SRGAP3: variants seen among roughly 807,000 people sequenced by gnomAD.
The protein encoded by SRGAP3 is SLIT-ROBO Rho GTPase-activating protein 3.
In SRGAP3, 39 loss-of-function variants were observed where a neutral mutation model predicts 121.1. The observed-to-expected ratio is 0.32, with a 90% CI of 0.25 to 0.42. The LOEUF (loss-of-function observed/expected upper bound fraction) is 0.42, where lower values mean the gene tolerates loss of function less well. Ranked by LOEUF, SRGAP3 falls within the 10% of genes least tolerant of loss-of-function variation. SRGAP3 has a pLI of 1.00. For missense variants in SRGAP3, 1,213 were observed against 1,470.6 expected (o/e 0.82, Z 2.86); for synonymous variants, 601 against 570.0 (o/e 1.05, Z -0.77).
intron 20 of SRGAP3, among the ~76,000 whole-genome samples, 170 bp from the exon 21 acceptor site, chr3:8,991,009 C>T (rs1210174461): frequency 6.6e-6 from 1 of 152,194 alleles, no homozygotes; most frequent in Non-Finnish European, 1.5e-5. Context: ...GCTGGCTCAG[C>T]ACACAGCTCA....
intron 1 of SRGAP3, among the ~76,000 whole-genome samples, chr3:9,190,697 T>C (rs1951727845): frequency 6.6e-6 from 1 of 152,162 alleles, no homozygotes; most frequent in Non-Finnish European, 1.5e-5. Flanking sequence ...GAATTAGGAT[T>C]TCACACACAT....
In SRGAP3 at chr3:8,984,396, T is replaced by C. The variant is rs1559831674; in HGVS notation, c.*1123A>G. 4.3e-6 allele frequency: 1 copy of C among 231,070 alleles called. No individual in the cohort carries two copies. 14.3% of individuals were successfully genotyped at this position (231,070 alleles called of 1,614,324 possible). On this transcript the variant is annotated 3_prime_UTR_variant, in exon 22 of 22. Transcript: ENST00000383836. ...TGTGACTCAAAGCCTCCTTGCCTGT[T>C]TAGTTCCAAATCTGACACAGTATAA...
intron 4 of SRGAP3, among the ~76,000 whole-genome samples, chr3:9,073,034 C>T (rs2125240894): frequency 6.6e-6 from 1 of 152,376 alleles, no homozygotes; most frequent in East Asian, 1.9e-4. Context: ...GCTTGATTTT[C>T]ACTTAACTAA....
chr3:9,282,236 T>C (rs893123847), intron 3 of SRGAP3, among the ~76,000 whole-genome samples: 1 of 152,206 alleles, frequency 6.6e-6, no homozygotes, highest in African/African-American at 2.4e-5. Context: ...GTTACCAAAT[T>C]AAAAATTAAA....
intron 3 of SRGAP3, among the ~76,000 whole-genome samples, chr3:9,270,834 T>C (rs1412557845): frequency 6.6e-6 from 1 of 152,164 alleles, no homozygotes; most frequent in Admixed American, 6.5e-5. Context: ...AATTCCTGTT[T>C]ATGCTTCTGG....
At chr3:9,309,527 G>A (rs927169458) in intron 3 of SRGAP3, among the ~76,000 whole-genome samples, 6 of 152,124 alleles carry the variant, frequency 3.9e-5, no homozygotes, top group Admixed American at 6.5e-5. Context: ...AGGAAATTAG[G>A]ATCAATGTCA....
chr3:9,338,706 GC>G (rs1340743061), intron 1 of SRGAP3, among the ~76,000 whole-genome samples: 1 of 152,170 alleles, frequency 6.6e-6, no homozygotes, highest in African/African-American at 2.4e-5. Flanking sequence ...TGTTAACCAT[GC>G]ACCATCAGCA....
chr3:9,295,984 A>G lies in SRGAP3; in HGVS notation n.442+30026T>C, dbSNP rs538579245. Among the ~76,000 whole-genome samples, 3 of 152,298 alleles carry G rather than the reference A, an allele frequency of 2.0e-5. No individual in the cohort carries two copies. In the South Asian group the frequency reaches 6.2e-4, roughly 32 times the overall value. The stretch of plus-strand genomic sequence containing the variant: ...TATTTATCAGAATTCCTTCCTTTTG[A>G]GGCTGAATAATATTCATTGTATACT... On this transcript the variant is annotated intron_variant and non_coding_transcript_variant, in intron 3 of 3. Transcript: ENST00000490889.
intron 2 of SRGAP3, among the ~76,000 whole-genome samples, chr3:9,115,063 G>T (rs533818411): frequency 6.6e-6 from 1 of 152,304 alleles, no homozygotes; most frequent in African/African-American, 2.4e-5. Flanking sequence ...ATTCCAATCT[G>T]GGTTTACCTG....
intron 1 of SRGAP3, among the ~76,000 whole-genome samples, chr3:9,145,948 T>C (rs1384191865): frequency 6.6e-6 from 1 of 152,172 alleles, no homozygotes; most frequent in Admixed American, 6.5e-5. Flanking sequence ...TTAAGAAGTT[T>C]AGCAGGGCAT....
At chr3:9,065,230 C>T (rs1044805414) in intron 4 of SRGAP3, 2 of 152,134 alleles carry the variant, frequency 1.3e-5, no homozygotes. Flanking sequence ...AAAACAATTC[C>T]TATAAAGCAA....
chr3:9,177,994 G>A (rs1364004812), intron 1 of SRGAP3, among the ~76,000 whole-genome samples: 1 of 152,194 alleles, frequency 6.6e-6, no homozygotes. Flanking sequence ...GGGGCTGGGC[G>A]TGGTGGCTCA....
intron 1 of SRGAP3, among the ~76,000 whole-genome samples, chr3:9,203,980 C>G (rs547264809): frequency 2.0e-5 from 3 of 152,152 alleles, no homozygotes; most frequent in African/African-American, 7.2e-5. Context: ...CCCATTCCCC[C>G]ACGCCCCACC....
chr3:9,302,204 A>C (rs1955070822), intron 3 of SRGAP3, among the ~76,000 whole-genome samples: 1 of 152,136 alleles, frequency 6.6e-6, no homozygotes, highest in Admixed American at 6.6e-5. Context: ...GGGGAGGCCA[A>C]GGGTTTCCGC....
intron 3 of SRGAP3, among the ~76,000 whole-genome samples, chr3:9,307,412 A>G (rs1031303596): frequency 6.6e-6 from 1 of 152,224 alleles, no homozygotes; most frequent in Non-Finnish European, 1.5e-5. Flanking sequence ...TAAGGAAGTA[A>G]TGACACCAAG....
intron 14 of SRGAP3, among the ~76,000 whole-genome samples, chr3:9,021,164 G>A (rs1943899375): frequency 6.6e-6 from 1 of 152,232 alleles, no homozygotes; most frequent in Non-Finnish European, 1.5e-5. Context: ...CTCAGAAGGG[G>A]CAGATCCAGA....
intron 3 of SRGAP3, among the ~76,000 whole-genome samples, chr3:9,082,766 T>C (rs529283730): frequency 9.2e-5 from 14 of 152,216 alleles, no homozygotes; most frequent in Non-Finnish European, 1.8e-4. Context: ...GAGAAGCCTC[T>C]GAATCCAGTG....
intron 3 of SRGAP3, among the ~76,000 whole-genome samples, chr3:9,082,960 T>C (rs1947308991): frequency 2.6e-5 from 4 of 152,188 alleles, no homozygotes; most frequent in Admixed American, 2.6e-4. Context: ...CAGAGACCTA[T>C]TTACACCTCC....
chr3:9,241,822 A>C (rs574161503), intron 1 of SRGAP3, among the ~76,000 whole-genome samples: 1 of 152,160 alleles, frequency 6.6e-6, no homozygotes, highest in Non-Finnish European at 1.5e-5. Context: ...TCACTCCTGT[A>C]ATAATGCTCT....
Sources: gnomAD v4.1 joint callset for allele counts (sites outside exome capture counted in the v4.1 genomes callset) on GRCh38, gnomAD v4.1.1 for gene constraint, MANE v1.5 for transcripts, NCBI Gene and HGNC (gene_info 2026-07-23, HGNC 2026-07-21) for gene names.